The following STK32A variants were observed in gnomAD, a reference collection of about 807,000 sequenced individuals.
The protein encoded by STK32A is serine/threonine kinase 32A.
Under a neutral mutation model 53.2 loss-of-function variants are expected in STK32A, and 41 were observed. The ratio of observed to expected loss-of-function variants is 0.77; its 90% CI spans 0.60 to 1.00. The LOEUF is 1.00. Ranked by LOEUF, STK32A falls within the 50% of genes least tolerant of loss-of-function variation. The probability of loss-of-function intolerance (pLI) is 0.00; values close to 1 mark genes in which losing one functional copy is unlikely to be tolerated. For missense variants in STK32A, 458 were observed against 485.8 expected, an observed-to-expected ratio of 0.94 and a Z score of 0.54; for synonymous variants, 166 against 162.8, an observed-to-expected ratio of 1.02 and a Z score of -0.15.
chr5:147,360,275 C>T (rs1180238518), intron 7 of STK32A, among the ~76,000 whole-genome samples: 1 of 151,562 alleles, frequency 6.6e-6, no homozygotes, highest in Non-Finnish European at 1.5e-5. Context: ...CATGGCAAGA[C>T]CCTATCTCTA....
chr5:147,309,818 G>A (rs1395307146), intron 4 of STK32A, among the ~76,000 whole-genome samples: 2 of 151,934 alleles, frequency 1.3e-5, no homozygotes, highest in African/African-American at 2.4e-5. Flanking sequence ...CATTTCTTTC[G>A]ATAGCCACAA....
At chr5:147,309,461 A>G (rs1753582939) in intron 4 of STK32A, among the ~76,000 whole-genome samples, 1 of 152,166 alleles carries the variant, frequency 6.6e-6, no homozygotes, top group South Asian at 2.1e-4. Flanking sequence ...TCTATCCTGC[A>G]GATTTGTATT....
intron 4 of STK32A, among the ~76,000 whole-genome samples, chr5:147,319,033 G>A (rs953484999): frequency 1.3e-5 from 2 of 151,966 alleles, no homozygotes; most frequent in African/African-American, 4.8e-5. Flanking sequence ...AGAATTTAGA[G>A]TGTTGTCTCA....
intron 2 of STK32A, among the ~76,000 whole-genome samples, chr5:147,248,918 G>A (rs1334770456): frequency 1.4e-5 from 2 of 147,338 alleles, no homozygotes; most frequent in African/African-American, 5.1e-5. Context: ...TTGAAATGAT[G>A]AAGTAATTTT....
intron 2 of STK32A, among the ~76,000 whole-genome samples, chr5:147,272,015 C>T (rs773405973): frequency 1.3e-5 from 2 of 152,116 alleles, no homozygotes; most frequent in Admixed American, 6.6e-5. Flanking sequence ...TTTTACAGCT[C>T]GGGGGCATCA....
chr5:147,350,811 A>C (rs1033291695), intron 6 of STK32A, among the ~76,000 whole-genome samples: 1 of 152,228 alleles, frequency 6.6e-6, no homozygotes, highest in Non-Finnish European at 1.5e-5. Context: ...CCTAACTAGA[A>C]TTACCTGACC....
chr5:147,308,055 G>A (rs897375918), intron 4 of STK32A, among the ~76,000 whole-genome samples: 2 of 151,930 alleles, frequency 1.3e-5, no homozygotes, highest in Non-Finnish European at 2.9e-5. Context: ...CTGCTGGTAT[G>A]TATATTGGGT....
At chr5:147,303,066 C>T (rs1014921834) in intron 4 of STK32A, among the ~76,000 whole-genome samples, 13 of 152,234 alleles carry the variant, frequency 8.5e-5, no homozygotes, top group Admixed American at 2.0e-4. Flanking sequence ...ATCATTTTAT[C>T]AGGTGCATCA....
At chr5:147,319,400 C>G (rs1754186244) in intron 4 of STK32A, among the ~76,000 whole-genome samples, 1 of 152,076 alleles carries the variant, frequency 6.6e-6, no homozygotes, top group African/African-American at 2.4e-5. Flanking sequence ...CCTCGGCCTC[C>G]CAAAGTGCTG....
rs944451978 is a variant in STK32A at position 147,384,667 on chromosome 5, C to A, written c.*684C>A. 4.7e-6 allele frequency: 2 copies of A among 427,532 alleles called. No homozygotes were observed. Among genetic ancestry groups the A allele is most frequent in the Admixed American group, 8.1e-5 (2 of 24,778 alleles). The allele number at this position is 427,532 out of a possible 1,614,324, so 26.5% of individuals were successfully genotyped here. A position where few individuals can be genotyped will look rare whatever the true frequency, so the allele number is the denominator to read the frequency against. ...AACTTGAAATTGGTAATAATGGGAG[C>A]ATTTACACCACGGAAACTGGTAAAT... On this transcript the variant is annotated 3_prime_UTR_variant, in exon 13 of 13. Coordinates refer to ENST00000397936, the MANE Select transcript of STK32A (RefSeq NM_001112724.2).
At chr5:147,269,711 T>C (rs1217585337) in intron 2 of STK32A, among the ~76,000 whole-genome samples, 8 of 152,330 alleles carry the variant, frequency 5.3e-5, no homozygotes, top group Admixed American at 4.6e-4. Context: ...TCAGACTGCA[T>C]TGGTTTAATT....
At chr5:147,316,690 T>C (rs1754004192) in intron 4 of STK32A, among the ~76,000 whole-genome samples, 1 of 151,940 alleles carries the variant, frequency 6.6e-6, no homozygotes, top group Non-Finnish European at 1.5e-5. Flanking sequence ...ACCCCATCTC[T>C]ACAAAAAATT....
At chr5:147,353,051 G>A (rs1407187074) in intron 7 of STK32A, among the ~76,000 whole-genome samples, 2 of 152,310 alleles carry the variant, frequency 1.3e-5, no homozygotes, top group East Asian at 1.9e-4. Flanking sequence ...TAATTCCTCC[G>A]TGTAGCTAGG....
intron 4 of STK32A, among the ~76,000 whole-genome samples, chr5:147,282,978 A>G (rs1752133872): frequency 6.6e-6 from 1 of 152,206 alleles, no homozygotes; most frequent in Non-Finnish European, 1.5e-5. Context: ...TTCATCCAAC[A>G]ACTGCAGAAT....
chr5:147,378,942 T>TC (rs1171119932), intron 11 of STK32A, among the ~76,000 whole-genome samples: 1 of 149,380 alleles, frequency 6.7e-6, no homozygotes, highest in Non-Finnish European at 1.5e-5. Context: ...TGAAAATAGT[T>TC]TTTTTTTCTA....
At chr5:147,388,834 T>TCATGCCTTTCAGACTGCTG (rs1757732443), downstream of STK32A, among the ~76,000 whole-genome samples, 1 of 152,140 alleles carries the variant, frequency 6.6e-6, no homozygotes, top group South Asian at 2.1e-4. Context: ...GAAAACCACT[T>TCATGCCTTTCAGACTGCTG]CATGCCTTTC....
intron 11 of STK32A, among the ~76,000 whole-genome samples, chr5:147,380,117 G>A (rs1757394316): frequency 6.6e-6 from 1 of 151,852 alleles, no homozygotes; most frequent in Non-Finnish European, 1.5e-5. Flanking sequence ...ACATAGTAGA[G>A]GGAAAAAAAA....
At chr5:147,310,263 G>T (rs1046289616) in intron 4 of STK32A, among the ~76,000 whole-genome samples, 4 of 152,094 alleles carry the variant, frequency 2.6e-5, no homozygotes, top group Admixed American at 2.0e-4. Flanking sequence ...AGGAACATTG[G>T]GTGCATTAAA....
chr5:147,400,881 C>A, the STK32A span: 3 of 1,594,104 alleles, frequency 1.9e-6, no homozygotes, highest in Admixed American at 3.4e-5. Context: ...TGGCTGGAGG[C>A]ACACTGGGAG....
Sources: gnomAD v4.1 joint callset for allele counts (sites outside exome capture counted in the v4.1 genomes callset) on GRCh38, gnomAD v4.1.1 for gene constraint, MANE v1.5 for transcripts, NCBI Gene and HGNC (gene_info 2026-07-23, HGNC 2026-07-21) for gene names.